CDH17: variants seen among roughly 807,000 people sequenced by gnomAD.
CDH17 encodes cadherin 17.
In CDH17, 67 loss-of-function variants were observed where a neutral mutation model predicts 86.3. The observed-to-expected ratio is 0.78, with a 90% CI of 0.64 to 0.95. The LOEUF (loss-of-function observed/expected upper bound fraction) is 0.95, where lower values mean the gene tolerates loss of function less well. CDH17 is among the 40% of genes least tolerant of loss of function. The pLI is 0.00. For synonymous variants in CDH17, 367 were observed against 366.4 expected (o/e 1.00, Z -0.02); for missense variants, 993 against 1,017.6 (o/e 0.98, Z 0.33).
intron 13 of CDH17, among the ~76,000 whole-genome samples, chr8:94,150,609 A>G (rs542516780): frequency 6.6e-6 from 1 of 152,118 alleles, no homozygotes; most frequent in Non-Finnish European, 1.5e-5. Context: ...ATTGTACCTT[A>G]CAGAACACCT....
At chr8:94,180,712 G>T (rs570506832) in intron 3 of CDH17, among the ~76,000 whole-genome samples, 1 of 152,110 alleles carries the variant, frequency 6.6e-6, no homozygotes, top group East Asian at 1.9e-4. Context: ...TGGCTAACAC[G>T]GTGAAACCCC....
At chr8:94,131,612 A>G (rs1420914898) in intron 15 of CDH17, among the ~76,000 whole-genome samples, 1 of 150,750 alleles carries the variant, frequency 6.6e-6, no homozygotes. Context: ...AATTCTAGAT[A>G]GCACTTCAGC....
intron 11 of CDH17, among the ~76,000 whole-genome samples, chr8:94,160,547 G>A (rs995385576): frequency 6.6e-6 from 1 of 152,164 alleles, no homozygotes; most frequent in Non-Finnish European, 1.5e-5. Context: ...ATCAACCAAT[G>A]AATAGAGGTT....
chr8:94,139,912 AG>A (rs397767397), intron 15 of CDH17, among the ~76,000 whole-genome samples: 1 of 143,666 alleles, frequency 7.0e-6, no homozygotes, highest in African/African-American at 2.6e-5. Context: ...ATAAAAAAAA[AG>A]GGGGGGTGGT....
rs985410343 is a variant in CDH17, at chr8:94,170,855, G to A, written c.914C>T (p.Ala305Val). Residue 305 changes from alanine to valine, a missense_variant and splice_region_variant, in exon 8 of 18, where the codon GCA becomes GTA. By Grantham distance (64) the Ala-to-Val change is moderately conservative. Transcript: ENST00000027335. The part of the protein sequence containing the change: ...TQPLDREEKD[A>V]YVFYAVAKDE... ...GTGAAACTCTTCTCTTTTACTCACTGCATCCTTTTCTTCTCGGTCCAAGGG... is the reference window on the plus strand; with the variant it reads ...GTGAAACTCTTCTCTTTTACTCACTACATCCTTTTCTTCTCGGTCCAAGGG... 1.2e-6 allele frequency: 2 copies of A among 1,612,722 alleles called. No homozygotes were observed. Among genetic ancestry groups the A allele is most frequent in the African/African-American group, 2.7e-5 (2 of 74,684 alleles).
At chr8:94,162,989 C>T (rs1159610870) in intron 10 of CDH17, among the ~76,000 whole-genome samples, 2 of 152,210 alleles carry the variant, frequency 1.3e-5, no homozygotes, top group African/African-American at 4.8e-5. Context: ...GACTCTGGCT[C>T]TGCCACTTAG....
At chr8:94,148,138 GT>G (rs1361039050) in intron 14 of CDH17, among the ~76,000 whole-genome samples, 2 of 152,176 alleles carry the variant, frequency 1.3e-5, no homozygotes, top group African/African-American at 2.4e-5. Flanking sequence ...AAGAAGGGAG[GT>G]AGTTCAGCCA....
intron 12 of CDH17, among the ~76,000 whole-genome samples, chr8:94,155,700 C>G (rs999625797): frequency 2.0e-5 from 3 of 152,182 alleles, no homozygotes; most frequent in Non-Finnish European, 2.9e-5. Context: ...GAACTTCATC[C>G]TTGACTAACA....
At chr8:94,184,893 A>G (rs1056248953) in intron 3 of CDH17, among the ~76,000 whole-genome samples, 4 of 152,116 alleles carry the variant, frequency 2.6e-5, no homozygotes, top group Admixed American at 2.0e-4. Flanking sequence ...AAAACCCAAG[A>G]ACCAACCTCA....
At chr8:94,167,519 C>T (rs115992888) in intron 9 of CDH17, among the ~76,000 whole-genome samples, 3,051 of 152,240 alleles carry the variant, frequency 0.02, 110 homozygotes, top group African/African-American at 0.067. Context: ...TGCAGATGTG[C>T]CTCATGGGCT....
At chr8:94,188,084 T>C (rs1292867936) in intron 3 of CDH17, among the ~76,000 whole-genome samples, 5 of 152,228 alleles carry the variant, frequency 3.3e-5, no homozygotes, top group African/African-American at 1.2e-4. Context: ...TCCCTTGGCA[T>C]TGGTGGGGGC....
intron 2 of CDH17, among the ~76,000 whole-genome samples, chr8:94,193,027 A>T: frequency 6.6e-6 from 1 of 152,120 alleles, no homozygotes; most frequent in East Asian, 1.9e-4. Context: ...GCTCCCTCCC[A>T]ACACCCCTGA....
intron 2 of CDH17, among the ~76,000 whole-genome samples, chr8:94,191,979 G>A (rs966654125): frequency 2.6e-5 from 4 of 152,172 alleles, no homozygotes; most frequent in African/African-American, 9.7e-5. Flanking sequence ...GCTTTCTGTG[G>A]AGCTGCTGCT....
intron 1 of CDH17, among the ~76,000 whole-genome samples, chr8:94,204,614 C>T (rs930411492): frequency 6.6e-6 from 1 of 152,154 alleles, no homozygotes; most frequent in Admixed American, 6.5e-5. Flanking sequence ...CACACGTGTA[C>T]ATGTGTCTTT....
chr8:94,162,270 AT>A lies in CDH17; in HGVS notation c.1283-109del, dbSNP rs1321602057. On this transcript the variant is annotated intron_variant, in intron 10 of 17. Coordinates refer to ENST00000027335, the MANE Select transcript of CDH17 (RefSeq NM_004063.4). The stretch of plus-strand genomic sequence containing the variant: ...AAGTGAAGTGACAGCCATAGCCACA[AT>A]TTTGCAATTGACATGCAATTTGTGC... The A allele has an allele frequency of 1.5e-5, 11 of 731,264 alleles. No homozygotes were observed. The African/African-American group carries it at 1.6e-4, about 11-fold the overall frequency. The allele number at this position is 731,264 out of a possible 1,614,324, so 45.3% of individuals were successfully genotyped here.
At chr8:94,179,038 ATGTT>A (rs1363530528) in intron 3 of CDH17, among the ~76,000 whole-genome samples, 1 of 121,258 alleles carries the variant, frequency 8.2e-6, no homozygotes, top group African/African-American at 3.7e-5. Flanking sequence ...AATCCAAGGA[ATGTT>A]TATTAAAAAA....
intron 3 of CDH17, among the ~76,000 whole-genome samples, chr8:94,187,592 T>C (rs1212322543): frequency 4.1e-4 from 62 of 152,150 alleles, no homozygotes; most frequent in Non-Finnish European, 2.4e-4. Flanking sequence ...AGTGACCTTT[T>C]CTCAATGGAG....
intron 3 of CDH17, among the ~76,000 whole-genome samples, chr8:94,186,554 T>G (rs975332613): frequency 1.3e-5 from 2 of 152,186 alleles, no homozygotes; most frequent in African/African-American, 4.8e-5. Flanking sequence ...AGAGCCCTCA[T>G]GATCTAATCA....
chr8:94,178,927 G>A (rs1290112907), intron 3 of CDH17, among the ~76,000 whole-genome samples: 1 of 151,810 alleles, frequency 6.6e-6, no homozygotes, highest in Admixed American at 6.6e-5. Context: ...TGGAGTAAGG[G>A]CCTACAGAAA....
Sources: gnomAD v4.1 joint callset for allele counts (sites outside exome capture counted in the v4.1 genomes callset) on GRCh38, gnomAD v4.1.1 for gene constraint, MANE v1.5 for transcripts, NCBI Gene and HGNC (gene_info 2026-07-23, HGNC 2026-07-21) for gene names.